TAF4: variants seen among roughly 807,000 people sequenced by gnomAD.
TAF4 encodes the protein TATA-box binding protein associated factor 4.
A neutral mutation model predicts 90.3 loss-of-function variants in TAF4; 9 were observed. That is an observed-to-expected ratio of 0.10 (90% CI 0.06 to 0.17). The LOEUF is 0.17. Ranked by LOEUF, TAF4 falls within the 10% of genes least tolerant of loss-of-function variation. The pLI is 1.00. For synonymous variants in TAF4, 818 were observed against 638.9 expected (o/e 1.28, Z -4.23); for missense variants, 1,351 against 1,370.7 (o/e 0.99, Z 0.23).
At chr20:62,028,542 G>A (rs1049664476) in intron 1 of TAF4, among the ~76,000 whole-genome samples, 6 of 152,150 alleles carry the variant, frequency 3.9e-5, no homozygotes, top group Non-Finnish European at 8.8e-5. Flanking sequence ...GAACCATCCC[G>A]AGAACACTGC....
At chr20:62,030,002 G>C (rs1273833724) in intron 1 of TAF4, among the ~76,000 whole-genome samples, 1 of 152,342 alleles carries the variant, frequency 6.6e-6, no homozygotes. Flanking sequence ...CGCCGCAGGG[G>C]CATGGTCACG....
chr20:62,019,031 G>A (rs1246758500), intron 1 of TAF4, among the ~76,000 whole-genome samples: 1 of 152,060 alleles, frequency 6.6e-6, no homozygotes, highest in Non-Finnish European at 1.5e-5. Flanking sequence ...CTCCTTCATG[G>A]CACAGCCAAA....
intron 1 of TAF4, among the ~76,000 whole-genome samples, chr20:62,045,448 C>A (rs1345929653): frequency 1.3e-5 from 2 of 152,246 alleles, no homozygotes; most frequent in Non-Finnish European, 2.9e-5. Flanking sequence ...AGAATCCCTG[C>A]ACGTGCAAGC....
At chr20:61,976,595 G>A (rs2055496275) in intron 14 of TAF4, among the ~76,000 whole-genome samples, 1 of 152,240 alleles carries the variant, frequency 6.6e-6, no homozygotes, top group Non-Finnish European at 1.5e-5. Context: ...CTTGGACCTG[G>A]TCCTGGGGCT....
intron 1 of TAF4, among the ~76,000 whole-genome samples, chr20:62,049,617 GC>G (rs1438995960): frequency 6.6e-6 from 1 of 152,056 alleles, no homozygotes; most frequent in East Asian, 1.9e-4. Context: ...AAGCACCACG[GC>G]CCAGATCCCT....
At chr20:62,018,722 A>T (rs759769950) in intron 1 of TAF4, among the ~76,000 whole-genome samples, 2 of 152,226 alleles carry the variant, frequency 1.3e-5, no homozygotes, top group Admixed American at 6.5e-5. Flanking sequence ...GGGCTCTCGG[A>T]TACAGAGGCA....
At position 62,065,306 on chromosome 20, in the gene TAF4, G is replaced by A. The variant is rs1425440245; in HGVS notation, c.505C>T (p.Arg169Cys). 1 of 918,304 alleles carries A rather than the reference G, an allele frequency of 1.1e-6. No homozygotes were observed. Among genetic ancestry groups the A allele is most frequent in the Non-Finnish European group, 1.3e-6 (1 of 777,040 alleles). 56.9% of individuals were successfully genotyped at this position (918,304 alleles called of 1,614,324 possible). A position where few individuals can be genotyped will look rare whatever the true frequency, so the allele number is the denominator to read the frequency against. ...KPAGPAALAARAGPGPGPGPG... is the reference protein window; with the variant it reads ...KPAGPAALAACAGPGPGPGPG... ...CCGGGCCCGGGGCCGGGGCCGGCGC[G>A]GGCGGCCAGCGCGGCGGGGCCGGCG... Residue 169 changes from arginine (R) to cysteine (C), a missense_variant, in exon 1 of 15, where the codon CGC becomes TGC. By Grantham distance (180) the Arg-to-Cys change is radical. Coordinates refer to ENST00000252996, the MANE Select transcript of TAF4 (RefSeq NM_003185.4).
At chr20:62,045,722 G>A (rs1322476066) in intron 1 of TAF4, among the ~76,000 whole-genome samples, 3 of 152,212 alleles carry the variant, frequency 2.0e-5, no homozygotes, top group Non-Finnish European at 2.9e-5. Flanking sequence ...AAGGGTGAAC[G>A]CTGAGGAGAG....
chr20:61,998,014 T>C (rs1020884100), intron 13 of TAF4, 122 bp downstream of exon 13: 7 of 952,262 alleles, frequency 7.4e-6, no homozygotes, highest in African/African-American at 1.7e-5. Context: ...TTGGCAAACA[T>C]TTTAAACAGA....
At chr20:62,034,491 A>G (rs1568938118) in intron 1 of TAF4, among the ~76,000 whole-genome samples, 1 of 150,978 alleles carries the variant, frequency 6.6e-6, no homozygotes, top group Non-Finnish European at 1.5e-5. Flanking sequence ...ACCTGGCTAA[A>G]TTTTTTTTTA....
At position 62,064,733 on chromosome 20, in the gene TAF4, T is replaced by TCTGCGCCGCCGGGGG; in HGVS notation, c.1063_1077dup (p.Pro355_Gln359dup). 1 of 1,201,464 alleles carries TCTGCGCCGCCGGGGG rather than the reference T, an allele frequency of 8.3e-7. No homozygotes were observed. The highest frequency in any genetic ancestry group is 1.6e-5 in the African/African-American group (1 of 60,814). The allele number at this position is 1,201,464 out of a possible 1,614,324, so 74.4% of individuals were successfully genotyped here. ...CTGGCCGGGCCGCTGGCCGCCAGGG[T>TCTGCGCCGCCGGGGG]CTGCGCCGCCGGGGGCGCCGCCTGC... On this transcript the variant is annotated inframe_insertion, in exon 1 of 15. Transcript: ENST00000252996.
intron 14 of TAF4, among the ~76,000 whole-genome samples, chr20:61,994,945 A>T (rs1316829372): frequency 6.6e-6 from 1 of 152,226 alleles, no homozygotes; most frequent in African/African-American, 2.4e-5. Context: ...CTACCTTAGC[A>T]AAGCCTAAAG....
intron 1 of TAF4, among the ~76,000 whole-genome samples, chr20:62,034,827 C>CTTTTCTTTTCTTTTT (rs555793597): frequency 1.4e-5 from 2 of 141,872 alleles, no homozygotes; most frequent in East Asian, 4.6e-4. Flanking sequence ...TCATAGATTT[C>CTTTTCTTTTCTTTTT]TTTTTTTTTT....
At position 62,003,294 on chromosome 20, in the gene TAF4, T is replaced by C. The variant is rs1270700482; in HGVS notation, c.2372-20A>G. 3.8e-6 allele frequency: 6 copies of C among 1,589,182 alleles called. No homozygotes were observed. The Middle Eastern group carries it at 6.7e-4, about 176-fold the overall frequency. On this transcript the variant is annotated intron_variant, in intron 8 of 14. Coordinates refer to ENST00000252996, the MANE Select transcript of TAF4 (RefSeq NM_003185.4). ...CAGGGACTACAAAACAAACACACAG[T>C]GGAAACCACACAAGGCTTTTATTAG...
At chr20:62,056,489 CAGTT>C (rs1331420824) in intron 1 of TAF4, among the ~76,000 whole-genome samples, 2 of 152,130 alleles carry the variant, frequency 1.3e-5, no homozygotes, top group South Asian at 2.1e-4. Context: ...GACACACACA[CAGTT>C]AGACATGAAG....
intron 7 of TAF4, chr20:62,004,388 A>G (rs2055730501): frequency 7.5e-6 from 1 of 132,714 alleles, no homozygotes; most frequent in Non-Finnish European, 1.5e-5. Context: ...GTGTAGTGGC[A>G]TGATCTCGGT....
At chr20:62,014,037 T>TGGGG (rs1440388247) in intron 2 of TAF4, among the ~76,000 whole-genome samples, 13 of 139,498 alleles carry the variant, frequency 9.3e-5, no homozygotes, top group African/African-American at 4.1e-4. Flanking sequence ...TGTGTGTGTG[T>TGGGG]GTGTGTGTAT....
chr20:62,006,832 A>G lies in TAF4; in HGVS notation c.1975-74T>C. The G allele has an allele frequency of 7.1e-7, 1 of 1,414,212 alleles. No individual in the cohort carries two copies. The highest frequency in any genetic ancestry group is 9.3e-7 in the Non-Finnish European group (1 of 1,074,022). 87.6% of individuals were successfully genotyped at this position (1,414,212 alleles called of 1,614,324 possible). ...GTTTTCCTTGCTTAAAAATTCAGAA[A>G]TATCAACTTTTACAGAAAGCTTTTG... On this transcript the variant is annotated intron_variant, in intron 6 of 14. Coordinates refer to ENST00000252996, the MANE Select transcript of TAF4 (RefSeq NM_003185.4). This position sits in a 1 kb window ranked among gnomAD's most constrained non-coding sequence, Gnocchi z 7.0.
At chr20:62,012,520 G>C (rs745802912) in intron 3 of TAF4, 11 of 256,154 alleles carry the variant, frequency 4.3e-5, no homozygotes, top group Non-Finnish European at 2.9e-5. Flanking sequence ...TTATGATCAA[G>C]TACTAGTAAG....
Sources: gnomAD v4.1 joint callset for allele counts (sites outside exome capture counted in the v4.1 genomes callset) on GRCh38, gnomAD v4.1.1 for gene constraint, Gnocchi (gnomAD v3.1) non-coding constraint, MANE v1.5 for transcripts, NCBI Gene and HGNC (gene_info 2026-07-23, HGNC 2026-07-21) for gene names.